The following DENND1B variants were observed in gnomAD, a reference collection of about 807,000 sequenced individuals.
The protein encoded by DENND1B is DENN domain containing 1B, also known as DENN domain-containing protein 1B.
DENND1B carries 59 observed loss-of-function variants against 90.1 expected under a neutral mutation model. The observed-to-expected ratio is 0.65, with a 90% CI of 0.53 to 0.81. The LOEUF is 0.81. DENND1B is among the 40% of genes least tolerant of loss of function. The pLI, the probability that DENND1B is intolerant of heterozygous loss-of-function variation, is 0.00. For missense variants in DENND1B, 862 were observed against 912.6 expected, an observed-to-expected ratio of 0.94 and a Z score of 0.71; for synonymous variants, 337 against 324.6, an observed-to-expected ratio of 1.04 and a Z score of -0.41.
At chr1:197,554,285 A>G (rs1465202824) in intron 15 of DENND1B, among the ~76,000 whole-genome samples, 4 of 152,104 alleles carry the variant, frequency 2.6e-5, no homozygotes, top group African/African-American at 9.7e-5. Flanking sequence ...AGGGGATAAC[A>G]TAGGAAAGAT....
chr1:197,610,901 A>C (rs1330831414), intron 12 of DENND1B, among the ~76,000 whole-genome samples: 1 of 150,896 alleles, frequency 6.6e-6, no homozygotes, highest in East Asian at 1.9e-4. Context: ...AAACAAATAA[A>C]AAATGTTGCC....
intron 14 of DENND1B, among the ~76,000 whole-genome samples, chr1:197,587,033 A>G (rs1373853359): frequency 6.6e-6 from 1 of 152,190 alleles, no homozygotes; most frequent in East Asian, 1.9e-4. Context: ...CAGGGCACCA[A>G]CAGTATCTAC....
intron 20 of DENND1B, among the ~76,000 whole-genome samples, chr1:197,519,483 C>G (rs1668622170): frequency 6.6e-6 from 1 of 151,894 alleles, no homozygotes; most frequent in Non-Finnish European, 1.5e-5. Flanking sequence ...AGGCATTGGG[C>G]TACACGCTAG....
chr1:197,624,629 C>T (rs1341095724), intron 10 of DENND1B, among the ~76,000 whole-genome samples: 2 of 151,830 alleles, frequency 1.3e-5, no homozygotes, highest in East Asian at 1.9e-4. Flanking sequence ...TCCAAAGGAA[C>T]ACAGTTCCTC....
At chr1:197,642,970 G>C (rs983314251) in intron 9 of DENND1B, 149 bp from the exon 10 acceptor site, 14 of 548,652 alleles carry the variant, frequency 2.6e-5, no homozygotes, top group Non-Finnish European at 3.5e-5. Flanking sequence ...AATACTAGTC[G>C]GCTGCCACAT....
rs559934138 is a variant in DENND1B, at chr1:197,775,125, GC to G, written c.17+13del. 2.3e-5 allele frequency: 29 copies of G among 1,281,100 alleles called. No homozygotes were observed. The highest frequency in any genetic ancestry group is 9.9e-5 in the Admixed American group (3 of 30,208). The allele number at this position is 1,281,100 out of a possible 1,614,324, so 79.4% of individuals were successfully genotyped here. On this transcript the variant is annotated intron_variant, in intron 1 of 22. Coordinates refer to ENST00000620048, the MANE Select transcript of DENND1B (RefSeq NM_001195215.2). Reference sequence around the variant, plus strand: ...GGACGCCCGCCCCCGACGCGCCCGGGCCCCCCCACTCACTTGGTCCTGCAGT... The same window carrying G: ...GGACGCCCGCCCCCGACGCGCCCGGGCCCCCCACTCACTTGGTCCTGCAGT...
At chr1:197,768,995 T>TA (rs1232785812) in intron 2 of DENND1B, among the ~76,000 whole-genome samples, 1 of 152,194 alleles carries the variant, frequency 6.6e-6, no homozygotes, top group East Asian at 1.9e-4. Context: ...CACTGTTAAC[T>TA]AAAATTTAAT....
At chr1:197,550,900 G>C (rs1162623943) in intron 16 of DENND1B, among the ~76,000 whole-genome samples, 1 of 151,616 alleles carries the variant, frequency 6.6e-6, no homozygotes, top group Non-Finnish European at 1.5e-5. Flanking sequence ...CCACATATTA[G>C]TGCTCAATAA....
chr1:197,515,521 G>C (rs1668334722), intron 20 of DENND1B, among the ~76,000 whole-genome samples: 1 of 151,748 alleles, frequency 6.6e-6, no homozygotes, highest in African/African-American at 2.4e-5. Context: ...ATACCAGCTA[G>C]CAGGTCCTGC....
chr1:197,637,254 C>A (rs1172800851), intron 10 of DENND1B, among the ~76,000 whole-genome samples: 1 of 152,094 alleles, frequency 6.6e-6, no homozygotes, highest in East Asian at 1.9e-4. Flanking sequence ...AAAAAAAATG[C>A]TTGGTAAACT....
Position 197,553,046 on chromosome 1 carries a change from T to C in DENND1B, c.1216A>G (p.Ile406Val). The change falls in exon 16 of 23, where the codon ATC (isoleucine) becomes GTC (valine). Residue 406 changes from isoleucine to valine, a missense_variant. Transcript: ENST00000620048. The part of the protein sequence containing the change: ...RGFSDVFEEE[I>V]TSGGFCGGNP... ...CCTCCACAAAAGCCACCTGAAGTGA[T>C]CTCTTCTTCAAATACATCAGAGAAA... 1.3e-6 allele frequency: 2 copies of C among 1,570,748 alleles called. No individual in the cohort carries two copies. Among genetic ancestry groups the C allele is most frequent in the South Asian group, 1.2e-5 (1 of 82,302 alleles).
At chr1:197,570,816 T>C (rs1416900955) in intron 15 of DENND1B, among the ~76,000 whole-genome samples, 3 of 152,118 alleles carry the variant, frequency 2.0e-5, no homozygotes, top group African/African-American at 4.8e-5. Context: ...ATAAAAAACA[T>C]GTTAAGGAGA....
intron 16 of DENND1B, among the ~76,000 whole-genome samples, chr1:197,551,111 ACCC>A (rs1491178277): frequency 2.2e-5 from 2 of 91,736 alleles, no homozygotes; most frequent in Non-Finnish European, 4.5e-5. Flanking sequence ...ACACACACAC[ACCC>A]CCTAGATAGA....
At chr1:197,572,025 T>C (rs1673203887) in intron 15 of DENND1B, among the ~76,000 whole-genome samples, 1 of 152,150 alleles carries the variant, frequency 6.6e-6, no homozygotes, top group African/African-American at 2.4e-5. Context: ...GATTTCTGCA[T>C]TTCCGATTGA....
intron 3 of DENND1B, among the ~76,000 whole-genome samples, chr1:197,693,189 T>C (rs375462419): frequency 6.6e-6 from 1 of 151,670 alleles, no homozygotes; most frequent in East Asian, 1.9e-4. Context: ...TCTGGTCAAA[T>C]AGGCTAAGGA....
At chr1:197,618,201 A>G (rs1162363302) in intron 10 of DENND1B, among the ~76,000 whole-genome samples, 2 of 151,176 alleles carry the variant, frequency 1.3e-5, no homozygotes, top group Non-Finnish European at 3.0e-5. Context: ...ATTGCCAAAG[A>G]ATGAAACATG....
At chr1:197,682,809 G>C (rs1443712510) in intron 3 of DENND1B, among the ~76,000 whole-genome samples, 1 of 152,158 alleles carries the variant, frequency 6.6e-6, no homozygotes, top group Non-Finnish European at 1.5e-5. Flanking sequence ...CAAATGTTGA[G>C]ATAGTAATAA....
At chr1:197,580,094 T>C (rs1571954368) in intron 15 of DENND1B, among the ~76,000 whole-genome samples, 2 of 131,456 alleles carry the variant, frequency 1.5e-5, no homozygotes, top group African/African-American at 5.7e-5. Flanking sequence ...TTTCTTTTTT[T>C]TTTTTTTTTT....
intron 3 of DENND1B, among the ~76,000 whole-genome samples, chr1:197,714,553 C>A (rs567572519): frequency 6.6e-6 from 1 of 152,046 alleles, no homozygotes; most frequent in East Asian, 1.9e-4. Context: ...TAGGTAAGAA[C>A]TATTTTAAAA....
Sources: allele counts gnomAD v4.1 joint callset (sites outside exome capture counted in the v4.1 genomes callset), GRCh38; gene constraint gnomAD v4.1.1; transcripts MANE v1.5; gene names NCBI Gene and HGNC (gene_info 2026-07-23, HGNC 2026-07-21).